Variants in ST8SIA6 observed in about 807,000 individuals in gnomAD.
ST8SIA6 encodes the protein alpha-2,8-sialyltransferase 8F.
ST8SIA6 carries 39 observed loss-of-function variants against 33.6 expected under a neutral mutation model. That is an observed-to-expected ratio of 1.16 (90% CI 0.90 to 1.52). ST8SIA6 has a LOEUF of 1.52. ST8SIA6 is among the 40% of genes most tolerant of loss of function. ST8SIA6 has a pLI of 0.00. For missense variants in ST8SIA6, 441 were observed against 443.8 expected (o/e 0.99, Z 0.06); for synonymous variants, 172 against 167.2 (o/e 1.03, Z -0.22).
chr10:17,374,360 A>C (rs1462244143), intron 3 of ST8SIA6, among the ~76,000 whole-genome samples: 1 of 152,114 alleles, frequency 6.6e-6, no homozygotes, highest in Non-Finnish European at 1.5e-5. Flanking sequence ...CCTTTTAATA[A>C]ATTTGACATA....
chr10:17,351,096 C>T (rs780387968), intron 4 of ST8SIA6, among the ~76,000 whole-genome samples: 1 of 152,026 alleles, frequency 6.6e-6, no homozygotes, highest in Non-Finnish European at 1.5e-5. Context: ...TGAGTGTTCC[C>T]TGCCCCCACC....
intron 3 of ST8SIA6, among the ~76,000 whole-genome samples, chr10:17,362,619 C>T (rs1255879052): frequency 6.6e-6 from 1 of 152,168 alleles, no homozygotes; most frequent in Non-Finnish European, 1.5e-5. Flanking sequence ...TTCTTGGTCT[C>T]GTCCTTCCCC....
intron 2 of ST8SIA6, among the ~76,000 whole-genome samples, chr10:17,449,473 G>T (rs1852834763): frequency 6.6e-6 from 1 of 152,134 alleles, no homozygotes; most frequent in Admixed American, 6.5e-5. Flanking sequence ...AAACATCTTT[G>T]CAGGGAGGAA....
intron 2 of ST8SIA6, among the ~76,000 whole-genome samples, chr10:17,428,745 C>T (rs1852011053): frequency 6.6e-6 from 1 of 152,100 alleles, no homozygotes; most frequent in African/African-American, 2.4e-5. Context: ...AAGAGCAGTG[C>T]CAAGAAGCAG....
intron 2 of ST8SIA6, among the ~76,000 whole-genome samples, chr10:17,445,664 G>C (rs61564840): frequency 0.12 from 18,328 of 152,200 alleles, 1,194 homozygotes; most frequent in South Asian, 0.19. Flanking sequence ...CTTCATTTCT[G>C]TCTTCCTACA....
intron 3 of ST8SIA6, among the ~76,000 whole-genome samples, chr10:17,386,213 C>T (rs1434509781): frequency 1.3e-5 from 2 of 151,312 alleles, no homozygotes; most frequent in Non-Finnish European, 2.9e-5. Context: ...ACACACAGGC[C>T]GGGCGCGGTG....
intron 4 of ST8SIA6, among the ~76,000 whole-genome samples, chr10:17,342,328 G>A (rs1308611324): frequency 6.6e-6 from 1 of 152,218 alleles, no homozygotes; most frequent in Non-Finnish European, 1.5e-5. Flanking sequence ...TATCATATGA[G>A]GCTATGAGAG....
intron 3 of ST8SIA6, among the ~76,000 whole-genome samples, chr10:17,372,410 C>A (rs1280317175): frequency 6.6e-6 from 1 of 152,182 alleles, no homozygotes; most frequent in Non-Finnish European, 1.5e-5. Context: ...AGAGTGGTGC[C>A]TCGGAGTAGT....
At chr10:17,374,493 C>T (rs185038889) in intron 3 of ST8SIA6, among the ~76,000 whole-genome samples, 1 of 151,656 alleles carries the variant, frequency 6.6e-6, no homozygotes. Flanking sequence ...GAGGCCAAGG[C>T]GGGTGGATCA....
chr10:17,326,670 A>C (rs1848138775), intron 6 of ST8SIA6, among the ~76,000 whole-genome samples: 1 of 152,196 alleles, frequency 6.6e-6, no homozygotes, highest in South Asian at 2.1e-4. Flanking sequence ...AAGATCTTCA[A>C]GGTCAGGTGA....
chr10:17,389,451 G>A (rs139714773), intron 3 of ST8SIA6, among the ~76,000 whole-genome samples: 6 of 152,212 alleles, frequency 3.9e-5, no homozygotes, highest in Middle Eastern at 3.4e-3. Flanking sequence ...GCATAACCTC[G>A]TGTCCCTGCC....
intron 2 of ST8SIA6, among the ~76,000 whole-genome samples, chr10:17,437,364 G>A (rs373560303): frequency 5.9e-5 from 9 of 152,128 alleles, no homozygotes; most frequent in African/African-American, 1.7e-4. Context: ...TAGAGACATG[G>A]TCTCACTATG....
At chr10:17,421,801 C>T (rs1851787471) in intron 2 of ST8SIA6, among the ~76,000 whole-genome samples, 1 of 152,078 alleles carries the variant, frequency 6.6e-6, no homozygotes, top group African/African-American at 2.4e-5. Context: ...TCCTGAGCTC[C>T]AGTCATCCTC....
At chr10:17,406,069 A>G (rs142440954) in intron 2 of ST8SIA6, among the ~76,000 whole-genome samples, 3 of 152,262 alleles carry the variant, frequency 2.0e-5, no homozygotes, top group Non-Finnish European at 4.4e-5. Flanking sequence ...ATTCAGCAGT[A>G]TTTGTTCAAA....
intron 4 of ST8SIA6, among the ~76,000 whole-genome samples, chr10:17,332,159 T>C (rs1278566425): frequency 6.6e-6 from 1 of 152,244 alleles, no homozygotes; most frequent in Non-Finnish European, 1.5e-5. Flanking sequence ...TTCCATGGTG[T>C]ATATTTACCA....
At chr10:17,396,465 TC>T (rs147942724) in intron 2 of ST8SIA6, among the ~76,000 whole-genome samples, 3,322 of 152,306 alleles carry the variant, frequency 0.022, 47 homozygotes, top group South Asian at 0.055. Context: ...TTCTCTGGAC[TC>T]CTAACTTCTC....
chr10:17,400,717 C>T (rs1437100434), intron 2 of ST8SIA6, among the ~76,000 whole-genome samples: 1 of 152,126 alleles, frequency 6.6e-6, no homozygotes, highest in Non-Finnish European at 1.5e-5. Flanking sequence ...AGGCCTTTGA[C>T]AAAATTCAAC....
intron 2 of ST8SIA6, among the ~76,000 whole-genome samples, chr10:17,419,310 T>C (rs903178343): frequency 6.6e-6 from 1 of 152,060 alleles, no homozygotes; most frequent in African/African-American, 2.4e-5. Flanking sequence ...GGCAGGAAGA[T>C]TGCTTGAGCT....
intron 4 of ST8SIA6, among the ~76,000 whole-genome samples, chr10:17,337,955 C>T (rs1244304672): frequency 6.6e-6 from 1 of 152,060 alleles, no homozygotes; most frequent in Non-Finnish European, 1.5e-5. Flanking sequence ...AAGCCTTAAC[C>T]TGGTAAAACA....
Sources: gnomAD v4.1 joint callset for allele counts (sites outside exome capture counted in the v4.1 genomes callset) on GRCh38, gnomAD v4.1.1 for gene constraint, MANE v1.5 for transcripts, NCBI Gene and HGNC (gene_info 2026-07-23, HGNC 2026-07-21) for gene names.